DDAH1: variants seen among roughly 807,000 people sequenced by gnomAD.
DDAH1 encodes the protein N(G),N(G)-dimethylarginine dimethylaminohydrolase 1.
In DDAH1, 19 loss-of-function variants were observed where a neutral mutation model predicts 28.8. The observed-to-expected ratio is 0.66, with a 90% confidence interval of 0.46 to 0.97. The LOEUF is 0.97. DDAH1 is among the 50% of genes least tolerant of loss of function. The pLI is 0.00. For missense variants in DDAH1, 326 were observed against 375.9 expected (o/e 0.87, Z 1.10); for synonymous variants, 153 against 154.4 (o/e 0.99, Z 0.07).
At chr1:85,374,069 G>A (rs1227895644) in intron 1 of DDAH1, among the ~76,000 whole-genome samples, 3 of 152,048 alleles carry the variant, frequency 2.0e-5, no homozygotes, top group South Asian at 2.1e-4. Context: ...TTGTCAGTGC[G>A]TACTTTCCAT....
At chr1:85,479,848 T>A (rs2100714874) in intron 2 of DDAH1, among the ~76,000 whole-genome samples, 1 of 152,318 alleles carries the variant, frequency 6.6e-6, no homozygotes, top group East Asian at 1.9e-4. Flanking sequence ...GCCAGGCTAA[T>A]CACATGTTCT....
intron 1 of DDAH1, among the ~76,000 whole-genome samples, chr1:85,417,529 C>A (rs1652938086): frequency 2.0e-5 from 3 of 152,156 alleles, no homozygotes; most frequent in South Asian, 2.1e-4. Flanking sequence ...GAAGTCCAAT[C>A]ATATTTTCTG....
At chr1:85,568,660 C>A (rs72944631) in intron 1 of DDAH1, among the ~76,000 whole-genome samples, 3,436 of 152,244 alleles carry the variant, frequency 0.023, 99 homozygotes, top group African/African-American at 0.077. Context: ...ATATGCAATT[C>A]CTTATGAATG....
chr1:85,458,859 G>C (rs1189083288), intron 1 of DDAH1, among the ~76,000 whole-genome samples: 3 of 152,014 alleles, frequency 2.0e-5, no homozygotes, highest in Non-Finnish European at 4.4e-5. Flanking sequence ...CTCTTATTAA[G>C]GTTTTAGTCA....
At chr1:85,519,088 CTTTTT>C (rs71075842) in intron 1 of DDAH1, among the ~76,000 whole-genome samples, 2 of 69,132 alleles carry the variant, frequency 2.9e-5, no homozygotes, top group African/African-American at 5.3e-5. Flanking sequence ...AAAGACGGAT[CTTTTT>C]TTTTTTTTTT....
chr1:85,507,478 A>C (rs2100746593), intron 1 of DDAH1, among the ~76,000 whole-genome samples: 1 of 143,130 alleles, frequency 7.0e-6, no homozygotes, highest in South Asian at 2.2e-4. Flanking sequence ...ACTCCAGCCT[A>C]GGTGAAAAAG....
intron 1 of DDAH1, among the ~76,000 whole-genome samples, chr1:85,506,299 G>A (rs1657014341): frequency 6.6e-6 from 1 of 152,168 alleles, no homozygotes; most frequent in Non-Finnish European, 1.5e-5. Flanking sequence ...AGAGGTCAGT[G>A]TGAAAGAGTG....
chr1:85,349,657 C>T (rs1649078767), intron 4 of DDAH1, among the ~76,000 whole-genome samples: 1 of 152,172 alleles, frequency 6.6e-6, no homozygotes. Context: ...CTTCATCAGA[C>T]ATTTATGAAG....
chr1:85,510,633 C>T (rs540734513), intron 1 of DDAH1, among the ~76,000 whole-genome samples: 2 of 151,896 alleles, frequency 1.3e-5, no homozygotes, highest in South Asian at 4.2e-4. Flanking sequence ...CACATAGACT[C>T]GAAATAAAGG....
intron 1 of DDAH1, among the ~76,000 whole-genome samples, chr1:85,372,946 T>G (rs1000177695): frequency 6.6e-6 from 1 of 150,904 alleles, no homozygotes; most frequent in South Asian, 2.1e-4. Context: ...AAGCCTACAG[T>G]TGAACAAAGC....
intron 1 of DDAH1, among the ~76,000 whole-genome samples, chr1:85,366,331 C>A (rs1236328019): frequency 6.6e-6 from 1 of 152,084 alleles, no homozygotes; most frequent in Non-Finnish European, 1.5e-5. Context: ...TTTGTTATAA[C>A]TTTTACATGA....
chr1:85,511,485 G>T (rs1657231014), intron 1 of DDAH1, among the ~76,000 whole-genome samples: 1 of 152,078 alleles, frequency 6.6e-6, no homozygotes, highest in South Asian at 2.1e-4. Flanking sequence ...GCAAAGGCAA[G>T]AAATAACTAA....
intron 1 of DDAH1, among the ~76,000 whole-genome samples, chr1:85,383,079 G>A (rs1397093081): frequency 6.6e-6 from 1 of 152,180 alleles, no homozygotes; most frequent in East Asian, 1.9e-4. Flanking sequence ...CAACTTTCAA[G>A]TCTTATTATT....
intron 2 of DDAH1, among the ~76,000 whole-genome samples, chr1:85,481,377 T>C (rs551982628): frequency 3.6e-4 from 55 of 152,256 alleles, no homozygotes; most frequent in African/African-American, 1.3e-3. Flanking sequence ...GGACTACAGA[T>C]GTGAGTCACC....
intron 1 of DDAH1, among the ~76,000 whole-genome samples, chr1:85,444,123 C>A (rs142962760): frequency 0.044 from 6,627 of 152,238 alleles, 205 homozygotes; most frequent in Non-Finnish European, 0.063. Context: ...CCAGTTTTTG[C>A]CCATTCAGTA....
intron 1 of DDAH1, among the ~76,000 whole-genome samples, chr1:85,563,750 T>TA (rs1191672732): frequency 2.4e-4 from 36 of 152,266 alleles, no homozygotes; most frequent in Middle Eastern, 3.4e-3. Context: ...AATTAGTAGA[T>TA]AAAGAGATTA....
chr1:85,349,384 C>G (rs557659752), intron 4 of DDAH1, among the ~76,000 whole-genome samples: 84 of 152,268 alleles, frequency 5.5e-4, no homozygotes, highest in African/African-American at 1.5e-3. Context: ...GCCAAACCAC[C>G]ACACTTGGCA....
intron 1 of DDAH1, among the ~76,000 whole-genome samples, chr1:85,450,028 A>T (rs1330406701): frequency 6.6e-6 from 1 of 152,226 alleles, no homozygotes. Flanking sequence ...CAACACAGGT[A>T]ACACCGGTCT....
intron 1 of DDAH1, among the ~76,000 whole-genome samples, chr1:85,546,996 T>C (rs1007911064): frequency 6.6e-6 from 1 of 152,096 alleles, no homozygotes; most frequent in African/African-American, 2.4e-5. Flanking sequence ...CTCTGGGGAT[T>C]GAGTTAGACC....
Sources: gnomAD v4.1 joint callset for allele counts (sites outside exome capture counted in the v4.1 genomes callset) on GRCh38, gnomAD v4.1.1 for gene constraint, MANE v1.5 for transcripts, NCBI Gene and HGNC (gene_info 2026-07-23, HGNC 2026-07-21) for gene names.